NCOR2: variants seen among roughly 807,000 people sequenced by gnomAD.
The protein encoded by NCOR2 is CTG repeat protein 26.
Under a neutral mutation model 262.9 loss-of-function variants are expected in NCOR2, and 81 were observed. The observed-to-expected ratio is 0.31, with a 90% CI of 0.26 to 0.37. The LOEUF is 0.37. Among genes scored for constraint, NCOR2 ranks in the 10% least tolerant of loss-of-function variants. The pLI, the probability that NCOR2 is intolerant of heterozygous loss-of-function variation, is 1.00. For synonymous variants in NCOR2, 1,659 were observed against 1,559.3 expected, an observed-to-expected ratio of 1.06 and a Z score of -1.51; for missense variants, 3,385 against 3,621.4, an observed-to-expected ratio of 0.93 and a Z score of 1.68.
chr12:124,462,220 G>A (rs1350333108), intron 5 of NCOR2, among the ~76,000 whole-genome samples: 1 of 152,146 alleles, frequency 6.6e-6, no homozygotes, highest in African/African-American at 2.4e-5. Flanking sequence ...CTCCTCTAGA[G>A]CACAGAAACA....
chr12:124,362,107 G>C lies in NCOR2; in HGVS notation c.3100+19C>G, dbSNP rs765321716. ...TCCCCTGCTGCCCCAGCCCCACTCA[G>C]CCACTGGTGTGCACTCACCCTCCTT... is the stretch of plus-strand genomic sequence containing the variant. On this transcript the variant is annotated intron_variant, in intron 22 of 46. Transcript: ENST00000405201. 3 of 1,285,022 alleles carry C rather than the reference G, an allele frequency of 2.3e-6. No homozygotes were observed. Among genetic ancestry groups the C allele is most frequent in the Non-Finnish European group, 2.0e-6 (2 of 1,016,756 alleles). 79.6% of individuals were successfully genotyped at this position (1,285,022 alleles called of 1,614,324 possible). A position where few individuals can be genotyped will look rare whatever the true frequency, so the allele number is the denominator to read the frequency against.
chr12:124,326,411 G>A lies in NCOR2; in HGVS notation c.7184-41C>T, dbSNP rs2034643469. On this transcript the variant is annotated intron_variant, in intron 45 of 46. Coordinates refer to ENST00000405201, the Ensembl canonical transcript of NCOR2. ...ATGGGAAGGGGCTGCGTTGGGCAGT[G>A]AAGACAGCACCGACGCTACGGTGGG... 7 of 1,459,638 alleles carry A rather than the reference G, an allele frequency of 4.8e-6. 1 individual carries two copies. The South Asian group carries it at 9.9e-5, about 21-fold the overall frequency. 90.4% of individuals were successfully genotyped at this position (1,459,638 alleles called of 1,614,324 possible).
At chr12:124,547,262 G>A (rs1339691160) in intron 1 of NCOR2, among the ~76,000 whole-genome samples, 1 of 152,144 alleles carries the variant, frequency 6.6e-6, no homozygotes, top group Admixed American at 6.6e-5. Context: ...CGAAGTGCTG[G>A]GGTTACAGGC....
chr12:124,496,565 A>G (rs938864205), upstream of NCOR2, among the ~76,000 whole-genome samples: 1 of 151,882 alleles, frequency 6.6e-6, no homozygotes, highest in African/African-American at 2.4e-5. This position sits in a 1 kb window ranked among gnomAD's most constrained non-coding sequence, Gnocchi z 4.4. Flanking sequence ...CTGCAATTTC[A>G]TCAGAACACC....
chr12:124,561,341 C>T (rs1460850141), intron 1 of NCOR2, among the ~76,000 whole-genome samples: 2 of 152,170 alleles, frequency 1.3e-5, no homozygotes, highest in Non-Finnish European at 2.9e-5. Context: ...AAAATTTCAT[C>T]CCCCGGTTGT....
At chr12:124,486,111 GCAGGGGCCC>G (rs956400039) in intron 2 of NCOR2, among the ~76,000 whole-genome samples, 3 of 152,172 alleles carry the variant, frequency 2.0e-5, no homozygotes, top group Non-Finnish European at 2.9e-5. Context: ...GGAGGAGAGG[GCAGGGGCCC>G]CAGGGGCACC....
chr12:124,424,625 G>A (rs1038311807), intron 11 of NCOR2, among the ~76,000 whole-genome samples: 1 of 152,116 alleles, frequency 6.6e-6, no homozygotes, highest in African/African-American at 2.4e-5. Flanking sequence ...TTCTGAGTTC[G>A]GTATCTGCAC....
intron 20 of NCOR2, among the ~76,000 whole-genome samples, chr12:124,371,022 G>A (rs2039460964): frequency 6.6e-6 from 1 of 152,234 alleles, no homozygotes; most frequent in Non-Finnish European, 1.5e-5. Flanking sequence ...TCCATCACCA[G>A]CCCCAGGGCA....
intron 1 of NCOR2, among the ~76,000 whole-genome samples, chr12:124,560,783 T>G (rs1194872002): frequency 6.6e-6 from 1 of 152,182 alleles, no homozygotes; most frequent in African/African-American, 2.4e-5. Flanking sequence ...TTACGCAATG[T>G]GTTAATTTTC....
At chr12:124,375,684 C>T (rs187593727) in intron 18 of NCOR2, among the ~76,000 whole-genome samples, 10 of 152,334 alleles carry the variant, frequency 6.6e-5, no homozygotes, top group East Asian at 1.9e-4. Flanking sequence ...GTTTGAACCC[C>T]GGTCACCAAA....
At position 124,428,086 on chromosome 12, in the gene NCOR2, T is replaced by TGTGTGTGTGTGTGTGTGTGTGTGCGCGC. The variant is rs958627720; in HGVS notation, c.1150-1287_1150-1286insGCGCGCACACACACACACACACACACAC. 1.8e-4 allele frequency among the ~76,000 whole-genome samples: 27 copies of TGTGTGTGTGTGTGTGTGTGTGTGCGCGC among 147,054 alleles called. 1 individual carries two copies. Among genetic ancestry groups the TGTGTGTGTGTGTGTGTGTGTGTGCGCGC allele is most frequent in the Non-Finnish European group, 3.5e-4 (23 of 66,320 alleles). On this transcript the variant is annotated intron_variant, in intron 10 of 46. Coordinates refer to ENST00000405201, the Ensembl canonical transcript of NCOR2. ...GTGTGTGTGTGTGTGTGTGTGTGTG[T>TGTGTGTGTGTGTGTGTGTGTGTGCGCGC]GTACATGCAACAATCAGCCCAGGTG...
At position 124,517,512 on chromosome 12, in the gene NCOR2, G is replaced by T. The variant is rs923169931; in HGVS notation, c.-118+18053C>A. 6.6e-6 allele frequency among the ~76,000 whole-genome samples: 1 copy of T among 152,210 alleles called. No individual in the cohort carries two copies. The highest frequency in any genetic ancestry group is 2.4e-5 in the African/African-American group (1 of 41,466). ...TGGGCACCGAGCCAAGCGCCACCTC[G>T]GTGGGGAGCCGGGCGCCGGGGCCGG... On this transcript the variant is annotated intron_variant, in intron 1 of 46. Transcript: ENST00000404621. This position sits in a 1 kb window ranked among gnomAD's most constrained non-coding sequence, Gnocchi z 7.6.
intron 32 of NCOR2, among the ~76,000 whole-genome samples, chr12:124,343,773 C>G (rs541774427): frequency 6.6e-6 from 1 of 152,210 alleles, no homozygotes; most frequent in Non-Finnish European, 1.5e-5. Context: ...AATACAGGTG[C>G]GTACCACCAC....
intron 17 of NCOR2, chr12:124,383,507 T>C: frequency 4.5e-6 from 4 of 888,636 alleles, no homozygotes; most frequent in Non-Finnish European, 4.3e-6. Flanking sequence ...CCCACAAATC[T>C]CCTAGTCTAA....
chr12:124,328,967 A>C (rs776661381), intron 44 of NCOR2: 13 of 343,616 alleles, frequency 3.8e-5, no homozygotes, highest in Non-Finnish European at 7.0e-5. Context: ...GCATGAAGAA[A>C]AAGCAACATT....
intron 16 of NCOR2, among the ~76,000 whole-genome samples, chr12:124,396,905 A>G (rs1042431665): frequency 1.3e-5 from 2 of 152,186 alleles, no homozygotes; most frequent in African/African-American, 4.8e-5. Context: ...TGTTCCCTCC[A>G]TAAGTCACGA....
At chr12:124,462,066 A>C (rs1310025728) in intron 5 of NCOR2, among the ~76,000 whole-genome samples, 2 of 152,032 alleles carry the variant, frequency 1.3e-5, no homozygotes, top group Non-Finnish European at 2.9e-5. Flanking sequence ...ACACAAGCTG[A>C]CTCTTACTCT....
At chr12:124,412,571 G>A (rs538614163) in intron 13 of NCOR2, among the ~76,000 whole-genome samples, 21 of 152,374 alleles carry the variant, frequency 1.4e-4, no homozygotes, top group African/African-American at 5.0e-4. Flanking sequence ...CCCTGGCCAG[G>A]GAGGCCGTTG....
At chr12:124,326,772 C>A (rs769538575) in intron 45 of NCOR2, among the ~76,000 whole-genome samples, 24 of 152,276 alleles carry the variant, frequency 1.6e-4, no homozygotes, top group Non-Finnish European at 2.6e-4. Context: ...AGTCAGGACC[C>A]CTGAGGCCAG....
Sources: allele counts gnomAD v4.1 joint callset (sites outside exome capture counted in the v4.1 genomes callset), GRCh38; gene constraint gnomAD v4.1.1; non-coding constraint Gnocchi (gnomAD v3.1); transcripts MANE v1.5; gene names NCBI Gene and HGNC (gene_info 2026-07-23, HGNC 2026-07-21).